The following ARAP1 variants were observed in gnomAD, a reference collection of about 807,000 sequenced individuals.
ARAP1 encodes the protein ArfGAP with RhoGAP domain, ankyrin repeat and PH domain 1.
ARAP1 carries 76 observed loss-of-function variants against 172.2 expected under a neutral mutation model. The ratio of observed to expected loss-of-function variants is 0.44; its 90% confidence interval spans 0.37 to 0.53. The LOEUF is 0.53. Among genes scored for constraint, ARAP1 ranks in the 20% least tolerant of loss-of-function variants. The pLI, the probability that ARAP1 is intolerant of heterozygous loss-of-function variation, is 0.00. For missense variants in ARAP1, 1,686 were observed against 1,977.5 expected (o/e 0.85, Z 2.80); for synonymous variants, 804 against 803.3 (o/e 1.00, Z -0.01).
chr11:72,703,201 A>G, intron 14 of ARAP1, 122 bp from the exon 15 acceptor site: 1 of 946,758 alleles, frequency 1.1e-6, no homozygotes, highest in Non-Finnish European at 1.5e-6. Flanking sequence ...GTCCATCCTC[A>G]GACTGAAAGA....
chr11:72,703,211 A>G (rs1856579359), intron 14 of ARAP1, 132 bp from the exon 15 acceptor site: 1 of 908,704 alleles, frequency 1.1e-6, no homozygotes, highest in Admixed American at 3.1e-5. Flanking sequence ...AGACTGAAAG[A>G]GAGAATAGGA....
At position 72,703,143 on chromosome 11, in the gene ARAP1, C is replaced by T. The variant is rs754594418; in HGVS notation, c.1993-64G>A. 1.3e-4 allele frequency: 192 copies of T among 1,442,718 alleles called. 1 individual carries two copies. The African/African-American group carries it at 1.6e-3, about 12-fold the overall frequency. The allele number at this position is 1,442,718 out of a possible 1,614,324, so 89.4% of individuals were successfully genotyped here. On this transcript the variant is annotated intron_variant, in intron 14 of 34. Coordinates refer to ENST00000393609, the MANE Select transcript of ARAP1 (RefSeq NM_001040118.3). ...AGGGGGCCCACAAGGAAAGGGGCTACGGGGGAGGAGAGGAAAGAAAAGGAA... is the reference window on the plus strand; with the variant it reads ...AGGGGGCCCACAAGGAAAGGGGCTATGGGGGAGGAGAGGAAAGAAAAGGAA...
chr11:72,703,413 G>A (rs891343507), intron 14 of ARAP1: 8 of 173,268 alleles, frequency 4.6e-5, no homozygotes, highest in East Asian at 4.3e-4. Context: ...GGAGCCGGGG[G>A]GGGGGTGTGC....
intron 14 of ARAP1, chr11:72,703,920 C>G (rs1316395582): frequency 1.8e-6 from 1 of 562,914 alleles, no homozygotes; most frequent in Middle Eastern, 4.8e-4. Flanking sequence ...GAGAGACAGA[C>G]AGATGCTGGG....
intron 1 of ARAP1, among the ~76,000 whole-genome samples, chr11:72,736,933 C>CA (rs1858046795): frequency 6.6e-6 from 1 of 152,182 alleles, no homozygotes; most frequent in Non-Finnish European, 1.5e-5. Context: ...TGTCACTTCT[C>CA]ACAGTAGGCA....
intron 1 of ARAP1, among the ~76,000 whole-genome samples, chr11:72,743,717 G>A (rs2135592537): frequency 6.6e-6 from 1 of 152,230 alleles, no homozygotes; most frequent in Middle Eastern, 3.4e-3. Context: ...ACTTCCTGCT[G>A]GACCGGCCCC....
chr11:72,748,978 T>C (rs1858455366), intron 1 of ARAP1, among the ~76,000 whole-genome samples: 1 of 152,152 alleles, frequency 6.6e-6, no homozygotes, highest in Admixed American at 6.5e-5. Context: ...GTGGCCACCC[T>C]TAGCACAGAA....
At chr11:72,715,570 CTT>C (rs56115201) in intron 3 of ARAP1, among the ~76,000 whole-genome samples, 20 of 135,784 alleles carry the variant, frequency 1.5e-4, no homozygotes, top group Admixed American at 2.2e-4. Context: ...TTTTTAACTT[CTT>C]TTTTTTTTTT....
chr11:72,714,344 G>A (rs1291017303), intron 3 of ARAP1, 23 bp from the exon 4 acceptor site: 2 of 1,541,084 alleles, frequency 1.3e-6, no homozygotes, highest in African/African-American at 1.4e-5. Flanking sequence ...CAAAAGTTGG[G>A]CATCACTAAG....
chr11:72,687,266 TA>T, intron 33 of ARAP1, 172 bp downstream of exon 33: 1 of 813,544 alleles, frequency 1.2e-6, no homozygotes, highest in Non-Finnish European at 2.0e-6. Context: ...GGGGCTGGAC[TA>T]ACAGTAGGTG....
chr11:72,712,365 G>T (rs547220896), intron 6 of ARAP1, 26 bp from the exon 7 acceptor site: 1 of 1,541,402 alleles, frequency 6.5e-7, no homozygotes, highest in Non-Finnish European at 8.8e-7. Flanking sequence ...GGGATGGGGG[G>T]CCGGGCTGAG....
intron 2 of ARAP1, among the ~76,000 whole-genome samples, chr11:72,728,432 T>A (rs1353607902): frequency 6.6e-6 from 1 of 151,906 alleles, no homozygotes; most frequent in Non-Finnish European, 1.5e-5. Flanking sequence ...ATACAAAAAA[T>A]TAGCCAGGCA....
chr11:72,748,511 C>T (rs1337597291), intron 1 of ARAP1, among the ~76,000 whole-genome samples: 4 of 147,086 alleles, frequency 2.7e-5, no homozygotes, highest in Non-Finnish European at 6.0e-5. Context: ...CAGAGCAAGA[C>T]TCCATCTCAA....
chr11:72,703,905 T>A, intron 14 of ARAP1: 1 of 539,274 alleles, frequency 1.9e-6, no homozygotes, highest in South Asian at 2.2e-5. Flanking sequence ...ACTGAGGAAT[T>A]GGGAGAGAGA....
intron 1 of ARAP1, among the ~76,000 whole-genome samples, chr11:72,742,886 G>A (rs971961595): frequency 7.2e-5 from 11 of 152,162 alleles, no homozygotes; most frequent in South Asian, 4.1e-4. Flanking sequence ...GCTAGCAGCC[G>A]GCCTGCCAGG....
intron 30 of ARAP1, 158 bp from the exon 31 acceptor site, chr11:72,688,695 G>T: frequency 1.6e-6 from 1 of 622,100 alleles, no homozygotes; most frequent in Non-Finnish European, 2.8e-6. Flanking sequence ...AGCCCTCCCT[G>T]TTCACAATCT....
At chr11:72,705,645 A>C (rs925606099) in intron 13 of ARAP1, 160 bp downstream of exon 13, 1 of 675,692 alleles carries the variant, frequency 1.5e-6, no homozygotes, top group Non-Finnish European at 2.4e-6. Context: ...ACTTTGCCAA[A>C]AATTGCTTTT....
rs1456857182 is a variant in ARAP1 at position 72,741,062 on chromosome 11, C to A, written c.-127-8465G>T. Among the ~76,000 whole-genome samples, 2 of 124,730 alleles carry A rather than the reference C, an allele frequency of 1.6e-5. No homozygotes were observed. Among genetic ancestry groups the A allele is most frequent in the African/African-American group, 3.7e-5 (1 of 27,002 alleles). 81.8% of individuals were successfully genotyped at this position (124,730 alleles called of 152,430 possible). A position where few individuals can be genotyped will look rare whatever the true frequency, so the allele number is the denominator to read the frequency against. On this transcript the variant is annotated intron_variant, in intron 1 of 34. Transcript: ENST00000393609. This position sits in a 1 kb window ranked among gnomAD's most constrained non-coding sequence, Gnocchi z 4.5. The stretch of plus-strand genomic sequence containing the variant: ...GTCAAAAAGCCTATCACATACTATG[C>A]CCCTCTGGCCCCACCACATACCCCC...
chr11:72,749,389 A>G (rs1299165162), intron 1 of ARAP1, among the ~76,000 whole-genome samples: 2 of 152,184 alleles, frequency 1.3e-5, no homozygotes, highest in African/African-American at 4.8e-5. Flanking sequence ...ATTGGTTAAT[A>G]TGGATAAAAC....
Sources: allele counts gnomAD v4.1 joint callset (sites outside exome capture counted in the v4.1 genomes callset), GRCh38; gene constraint gnomAD v4.1.1; non-coding constraint Gnocchi (gnomAD v3.1); transcripts MANE v1.5; gene names NCBI Gene and HGNC (gene_info 2026-07-23, HGNC 2026-07-21).